The following MAST1 variants were observed in gnomAD, a reference collection of about 807,000 sequenced individuals.
The protein encoded by MAST1 is microtubule-associated serine/threonine-protein kinase 1.
Under a neutral mutation model 124.6 loss-of-function variants are expected in MAST1, and 40 were observed. The ratio of observed to expected loss-of-function variants is 0.32; its 90% CI spans 0.25 to 0.42. The LOEUF is 0.42. Among genes scored for constraint, MAST1 ranks in the 10% least tolerant of loss-of-function variants. MAST1 has a pLI of 1.00. For missense variants in MAST1, 1,558 were observed against 2,181.9 expected, an observed-to-expected ratio of 0.71 and a Z score of 5.70; for synonymous variants, 938 against 939.4, an observed-to-expected ratio of 1.00 and a Z score of 0.03.
Position 12,841,620 on chromosome 19 carries a change from T to C in MAST1, c.248+554T>C, listed in dbSNP as rs1355009802. 6.6e-6 allele frequency among the ~76,000 whole-genome samples: 1 copy of C among 152,234 alleles called. No homozygotes were observed. The highest frequency in any genetic ancestry group is 1.5e-5 in the Non-Finnish European group (1 of 68,038). On this transcript the variant is annotated intron_variant, in intron 3 of 25. Coordinates refer to ENST00000251472, the MANE Select transcript of MAST1 (RefSeq NM_014975.3). The surrounding 1 kb of genome is among the most constrained non-coding windows in gnomAD (Gnocchi z 4.3). ...CTGATGTTTTCTGGAGAAACGTTTC[T>C]GGGAGTTTGGGCCTGTCTCTTTTTC...
At chr19:12,849,596 A>G (rs1969937250) in intron 7 of MAST1, among the ~76,000 whole-genome samples, 1 of 151,778 alleles carries the variant, frequency 6.6e-6, no homozygotes, top group Non-Finnish European at 1.5e-5. Flanking sequence ...TCCGGGAGGC[A>G]GTGGTTGCAG....
chr19:12,870,906 A>G lies in MAST1; in HGVS notation c.3086A>G (p.His1029Arg). 6.2e-7 allele frequency: 1 copy of G among 1,613,002 alleles called. No homozygotes were observed. The highest frequency in any genetic ancestry group is 1.1e-5 in the South Asian group (1 of 91,036). ...ACCCACGTGAATGGGGAGCCTGTGC[A>G]TGGCATGGTGCATCCTGAGGTCGTG... ...LITHVNGEPVHGMVHPEVVEL... is the reference protein window; with the variant it reads ...LITHVNGEPVRGMVHPEVVEL... Residue 1029 changes from histidine (H) to arginine (R), a missense_variant, in exon 23 of 26, where the codon CAT (histidine) becomes CGT (arginine). Transcript: ENST00000251472.
chr19:12,865,256 C>A lies in MAST1; in HGVS notation c.1639-60C>A. The stretch of plus-strand genomic sequence containing the variant: ...CGGGAACCCAGGGCCTGGTGGGGGG[C>A]ACAGCTCTCCCTTGAGGGCCCTCCT... On this transcript the variant is annotated intron_variant, in intron 14 of 25. Coordinates refer to ENST00000251472, the MANE Select transcript of MAST1 (RefSeq NM_014975.3). This position sits in a 1 kb window ranked among gnomAD's most constrained non-coding sequence, Gnocchi z 7.1. The A allele has an allele frequency of 6.3e-7, 1 of 1,584,030 alleles. No homozygotes were observed.
chr19:12,868,956 T>G, intron 21 of MAST1, 107 bp downstream of exon 21: 1 of 1,537,622 alleles, frequency 6.5e-7, no homozygotes, highest in Non-Finnish European at 8.9e-7. Flanking sequence ...GGCTCCAGGC[T>G]GGACCAATGA....
chr19:12,845,803 C>A (rs969127883), intron 4 of MAST1, among the ~76,000 whole-genome samples: 1 of 151,894 alleles, frequency 6.6e-6, no homozygotes, highest in Non-Finnish European at 1.5e-5. Flanking sequence ...ATTACAGGTG[C>A]CCACCACCAT....
In MAST1 at chr19:12,867,669, C is replaced by T. The variant is rs762230351; in HGVS notation, c.2318+17C>T. The T allele has an allele frequency of 6.2e-5, 96 of 1,559,046 alleles. No homozygotes were observed. The highest frequency in any genetic ancestry group is 7.9e-5 in the Non-Finnish European group (91 of 1,153,094). ...TCCGGAGATGTGAGCAGGGGAATGG[C>T]GGAGTTTGGGGGCGGGGTCGAAGGG... On this transcript the variant is annotated intron_variant, in intron 19 of 25. Transcript: ENST00000251472.
rs538935750 is a variant in MAST1 at position 12,838,883 on chromosome 19, C to G, written c.83+228C>G. ...GCCGCGGGGGGAGGGGGCTGCGCCA[C>G]TGGGGGTTTGTGGCGCCTTTGTCTG... On this transcript the variant is annotated intron_variant, in intron 1 of 25. Coordinates refer to ENST00000251472, the MANE Select transcript of MAST1 (RefSeq NM_014975.3). This position sits in a 1 kb window ranked among gnomAD's most constrained non-coding sequence, Gnocchi z 4.3. Among the ~76,000 whole-genome samples, 1 of 151,152 alleles carries G rather than the reference C, an allele frequency of 6.6e-6. No individual in the cohort carries two copies. Among genetic ancestry groups the G allele is most frequent in the Non-Finnish European group, 1.5e-5 (1 of 67,778 alleles).
intron 20 of MAST1, 61 bp downstream of exon 20, chr19:12,868,038 G>A: frequency 6.8e-7 from 1 of 1,476,046 alleles, no homozygotes; most frequent in Non-Finnish European, 9.0e-7. Context: ...GTCATATAGT[G>A]AGCATCCCAC....
rs1464772710 is a variant in MAST1, at chr19:12,858,568, C to A, written c.1195C>A (p.Arg399Ser). ...YLVRHRDTRQ[R>S]FAMKKINKQN... ...GGTGCGGCACCGCGACACGCGGCAGCGCTTTGCCATGAAAAAGATCAACAA... is the reference window on the plus strand; with the variant it reads ...GGTGCGGCACCGCGACACGCGGCAGAGCTTTGCCATGAAAAAGATCAACAA... The change falls in exon 12 of 26, where the codon CGC becomes AGC. Residue 399 changes from arginine to serine, a missense_variant. By Grantham distance (110) the Arg-to-Ser change is moderately radical. Coordinates refer to ENST00000251472, the MANE Select transcript of MAST1 (RefSeq NM_014975.3). 2 of 1,614,130 alleles carry A rather than the reference C, an allele frequency of 1.2e-6. No individual in the cohort carries two copies. The highest frequency in any genetic ancestry group is 3.3e-5 in the Admixed American group (2 of 60,012).
chr19:12,843,498 G>A lies in MAST1; in HGVS notation c.249-31G>A, dbSNP rs368788005. 1 of 1,600,504 alleles carries A rather than the reference G, an allele frequency of 6.2e-7. No individual in the cohort carries two copies. The highest frequency in any genetic ancestry group is 8.5e-7 in the Non-Finnish European group (1 of 1,169,778). ...GGAGTTGGGGGACCGCTGGGGCCTT[G>A]TGGCCTCTGAGCACCTTGGCTGGGT... On this transcript the variant is annotated intron_variant, in intron 3 of 25. Coordinates refer to ENST00000251472, the MANE Select transcript of MAST1 (RefSeq NM_014975.3). The surrounding 1 kb of genome is among the most constrained non-coding windows in gnomAD (Gnocchi z 4.9).
rs567829590 is a variant in MAST1, at chr19:12,849,724, C to G, written c.774+1667C>G. On this transcript the variant is annotated intron_variant, in intron 7 of 25. Coordinates refer to ENST00000251472, the MANE Select transcript of MAST1 (RefSeq NM_014975.3). Reference sequence around the variant, plus strand: ...AGGTGTAGTGGCACACACCTGCTGTCCCAGCTACTTGAGAGGCTGAGGCAG... The same window carrying G: ...AGGTGTAGTGGCACACACCTGCTGTGCCAGCTACTTGAGAGGCTGAGGCAG... 2.0e-5 allele frequency among the ~76,000 whole-genome samples: 3 copies of G among 152,214 alleles called. No individual in the cohort carries two copies. The East Asian group carries it at 5.8e-4, about 29-fold the overall frequency.
chr19:12,863,583 A>G (rs1970112392), intron 12 of MAST1, among the ~76,000 whole-genome samples: 1 of 152,138 alleles, frequency 6.6e-6, no homozygotes, highest in Non-Finnish European at 1.5e-5. Flanking sequence ...CTTCTAGACA[A>G]GCCCTCATGT....
intron 12 of MAST1, 120 bp downstream of exon 12, chr19:12,858,859 T>C: frequency 1.1e-6 from 1 of 883,514 alleles, no homozygotes; most frequent in East Asian, 2.7e-5. Flanking sequence ...TTTATCCATC[T>C]ATTTATTTCT....
intron 10 of MAST1, among the ~76,000 whole-genome samples, chr19:12,854,135 T>C (rs1969994451): frequency 6.7e-6 from 1 of 149,952 alleles, no homozygotes; most frequent in African/African-American, 2.4e-5. Context: ...TTTTTTTTTT[T>C]TTTTTGAGAC....
In MAST1 at chr19:12,868,729, C is replaced by A; in HGVS notation, c.2653C>A (p.Arg885Ser). 6.2e-7 allele frequency: 1 copy of A among 1,613,224 alleles called. No individual in the cohort carries two copies. The highest frequency in any genetic ancestry group is 8.5e-7 in the Non-Finnish European group (1 of 1,179,466). ...GPRATNDLVL[R>S]RARHQQMSGD... Reference sequence around the variant, plus strand: ...AAGGGCTACCAATGACTTGGTTCTGCGCCGGGCGCGGCACCAGCAGATGTC... The same window carrying A: ...AAGGGCTACCAATGACTTGGTTCTGAGCCGGGCGCGGCACCAGCAGATGTC... Residue 885 changes from arginine to serine, a missense_variant, in exon 21 of 26, where the codon CGC becomes AGC. Coordinates refer to ENST00000251472, the MANE Select transcript of MAST1 (RefSeq NM_014975.3).
chr19:12,867,414 G>A (rs1235355597), intron 18 of MAST1, 60 bp from the exon 19 acceptor site: 3 of 1,595,396 alleles, frequency 1.9e-6, no homozygotes, highest in Non-Finnish European at 1.7e-6. Flanking sequence ...CCAGGAAGCT[G>A]ATTAGCTCCG....
chr19:12,858,006 C>CAAAAAAAAAAAAAAA (rs539497049), intron 10 of MAST1, among the ~76,000 whole-genome samples: 4 of 49,446 alleles, frequency 8.1e-5, no homozygotes, highest in African/African-American at 2.3e-4. Flanking sequence ...GAACCTATCT[C>CAAAAAAAAAAAAAAA]AAAAAAAAAA....
intron 4 of MAST1, among the ~76,000 whole-genome samples, chr19:12,844,016 A>G (rs1427471663): frequency 6.6e-6 from 1 of 152,150 alleles, no homozygotes; most frequent in Non-Finnish European, 1.5e-5. Context: ...GAAAAAAGCA[A>G]AAAAAGACAG....
chr19:12,864,767 G>T (rs754285302), intron 12 of MAST1, 42 bp from the exon 13 acceptor site: 2 of 1,610,952 alleles, frequency 1.2e-6, no homozygotes, highest in Non-Finnish European at 1.7e-6. Context: ...CCAGAGAGAG[G>T]AATGCCTCCC....
Sources: gnomAD v4.1 joint callset for allele counts (sites outside exome capture counted in the v4.1 genomes callset) on GRCh38, gnomAD v4.1.1 for gene constraint, Gnocchi (gnomAD v3.1) non-coding constraint, MANE v1.5 for transcripts, NCBI Gene and HGNC (gene_info 2026-07-23, HGNC 2026-07-21) for gene names.